CACNA1H: variants seen among roughly 807,000 people sequenced by gnomAD.
CACNA1H encodes the protein calcium voltage-gated channel subunit alpha1 H.
In CACNA1H, 149 loss-of-function variants were observed where a neutral mutation model predicts 192.5. That is an observed-to-expected ratio of 0.77 (90% confidence interval 0.68 to 0.89). CACNA1H has a LOEUF of 0.89. Ranked by LOEUF, CACNA1H falls within the 40% of genes least tolerant of loss-of-function variation. The probability of loss-of-function intolerance (pLI) is 0.00; values close to 1 mark genes in which losing one functional copy is unlikely to be tolerated. For missense variants in CACNA1H, 4,257 were observed against 3,423.5 expected (o/e 1.24, Z -6.08); for synonymous variants, 2,202 against 1,475.2 (o/e 1.49, Z -11.29).
Position 1,221,630 on chromosome 16 carries a change from C to G in CACNA1H, c.*636C>G. On this transcript the variant is annotated 3_prime_UTR_variant, in exon 35 of 35. Transcript: ENST00000348261. Reference sequence around the variant, plus strand: ...CTCCCCTACATCTGGGGGCGTTGGCCGCGAGATTCCCATTGACACCTTTGT... The same window carrying G: ...CTCCCCTACATCTGGGGGCGTTGGCGGCGAGATTCCCATTGACACCTTTGT... 1 of 826,160 alleles carries G rather than the reference C, an allele frequency of 1.2e-6. No homozygotes were observed. Among genetic ancestry groups the G allele is most frequent in the East Asian group, 2.8e-5 (1 of 35,928 alleles). 51.2% of individuals were successfully genotyped at this position (826,160 alleles called of 1,614,324 possible). A position where few individuals can be genotyped will look rare whatever the true frequency, so the allele number is the denominator to read the frequency against.
In CACNA1H at chr16:1,201,814, G is replaced by A. The variant is rs1041969243; in HGVS notation, c.1364G>A (p.Ser455Asn). 2.1e-5 allele frequency: 34 copies of A among 1,585,794 alleles called. No homozygotes were observed. In the East Asian group the frequency reaches 7.8e-4, roughly 36 times the overall value. Residue 455 changes from serine (S) to asparagine (N), a missense_variant, in exon 9 of 35, where the codon AGC becomes AAC. Physicochemically the swap from Ser to Asn is conservative, Grantham distance 46 (BLOSUM62 1). Transcript: ENST00000348261. ...STLASFSEPGSCYEELLKYVG... is the reference protein window; with the variant it reads ...STLASFSEPGNCYEELLKYVG... ...CTGGCCAGCTTCTCCGAGCCTGGCA[G>A]CTGCTACGAAGAGCTGCTGAAGTAC...
Position 1,211,287 on chromosome 16 carries a change from G to T in CACNA1H, c.4343G>T (p.Gly1448Val). 1 of 1,612,920 alleles carries T rather than the reference G, an allele frequency of 6.2e-7. No individual in the cohort carries two copies. Among genetic ancestry groups the T allele is most frequent in the Non-Finnish European group, 8.5e-7 (1 of 1,179,698 alleles). ...CAFFIIFGIL[G>V]VQLFKGKFYY... The stretch of plus-strand genomic sequence containing the variant: ...TTCTTCATCATTTTTGGCATTTTGG[G>T]TGTGCAGGTGTGTGGCCCCCACGTG... Residue 1448 changes from glycine (G) to valine (V), a missense_variant, in exon 22 of 35, where the codon GGT becomes GTT. Transcript: ENST00000348261.
In CACNA1H at chr16:1,210,669, G is replaced by A; in HGVS notation, c.4038+18G>A. 6.3e-7 allele frequency: 1 copy of A among 1,598,690 alleles called. No individual in the cohort carries two copies. The highest frequency in any genetic ancestry group is 8.5e-7 in the Non-Finnish European group (1 of 1,178,646). ...TGGTGAAGGTACCGCGGGGCCCGGG[G>A]ACTGCCCTTGTTCCCAGGTCCCCGT... On this transcript the variant is annotated intron_variant, in intron 20 of 34. Transcript: ENST00000348261.
chr16:1,194,868 C>A, intron 2 of CACNA1H, 104 bp from the exon 3 acceptor site: 2 of 823,098 alleles, frequency 2.4e-6, no homozygotes, highest in Non-Finnish European at 4.2e-6. Context: ...CCCCCACGCG[C>A]GCACACCCGT....
At chr16:1,195,697 T>A in intron 4 of CACNA1H, 132 bp downstream of exon 4, 1 of 1,146,232 alleles carries the variant, frequency 8.7e-7, no homozygotes, top group Non-Finnish European at 1.2e-6. Context: ...CCAGGGACCC[T>A]GTCTGGGACT....
At chr16:1,159,523 C>G (rs566808590) in intron 2 of CACNA1H, 1 of 152,246 alleles carries the variant, frequency 6.6e-6, no homozygotes, top group Admixed American at 6.5e-5. Context: ...AGCCTGCCCT[C>G]GGGAGCTTGA....
rs1483955081 is a variant in CACNA1H, at chr16:1,215,507, C to T, written c.5174-16C>T. ...GGGTCCGCCCAGCCCTGCTGACGCT[C>T]AGCTCCCGGCCCTAGTGCTGAAGCT... On this transcript the variant is annotated splice_polypyrimidine_tract_variant and intron_variant, in intron 29 of 34. Transcript: ENST00000348261. The T allele has an allele frequency of 1.9e-6, 3 of 1,609,714 alleles. No homozygotes were observed. Among genetic ancestry groups the T allele is most frequent in the Middle Eastern group, 1.7e-4 (1 of 5,996 alleles).
Position 1,212,497 on chromosome 16 carries a change from C to T in CACNA1H, c.4760-14C>T, listed in dbSNP as rs370900845. 3.7e-6 allele frequency: 6 copies of T among 1,610,594 alleles called. No homozygotes were observed. The highest frequency in any genetic ancestry group is 1.7e-5 in the Admixed American group (1 of 59,834). On this transcript the variant is annotated splice_polypyrimidine_tract_variant and intron_variant, in intron 25 of 34. Coordinates refer to ENST00000348261, the MANE Select transcript of CACNA1H (RefSeq NM_021098.3). ...CACGCCCTCGGCCCTCAGACCATCT[C>T]CTTGTCTTTCCAGGCACTTTCCCCA... is the stretch of plus-strand genomic sequence containing the variant.
intron 10 of CACNA1H, among the ~76,000 whole-genome samples, 184 bp downstream of exon 10, chr16:1,204,642 C>T (rs1411497390): frequency 2.0e-5 from 3 of 152,206 alleles, no homozygotes; most frequent in Admixed American, 6.5e-5. Flanking sequence ...GAGGGGATCT[C>T]CTTGGATTCC....
intron 2 of CACNA1H, among the ~76,000 whole-genome samples, chr16:1,162,986 C>G (rs1596300740): frequency 6.6e-6 from 1 of 152,366 alleles, no homozygotes; most frequent in East Asian, 1.9e-4. Context: ...GCTCCAGCCT[C>G]AAAGGCTGTG....
Position 1,153,830 on chromosome 16 carries a change from G to C in CACNA1H, c.93G>C (p.Glu31Asp). ...GPAALVGASPESPGAPGREAE... is the reference protein window; with the variant it reads ...GPAALVGASPDSPGAPGREAE... ...CGGCGTTGGTGGGGGCGTCCCCGGA[G>C]AGCCCCGGGGCGCCGGGACGCGAGG... The change falls in exon 2 of 35, where the codon GAG (glutamate) becomes GAC (aspartate). Residue 31 changes from glutamate to aspartate, a missense_variant. By Grantham distance (45) the Glu-to-Asp change is conservative (BLOSUM62 2). Coordinates refer to ENST00000348261, the MANE Select transcript of CACNA1H (RefSeq NM_021098.3). The C allele has an allele frequency of 7.7e-7, 1 of 1,290,588 alleles. No homozygotes were observed. Among genetic ancestry groups the C allele is most frequent in the Non-Finnish European group, 9.8e-7 (1 of 1,020,698 alleles). The allele number at this position is 1,290,588 out of a possible 1,614,324, so 79.9% of individuals were successfully genotyped here.
In CACNA1H at chr16:1,174,197, A is replaced by G. The variant is rs936216330; in HGVS notation, c.299+20161A>G. Among the ~76,000 whole-genome samples the G allele has an allele frequency of 2.6e-5, 4 of 152,148 alleles. No individual in the cohort carries two copies. The South Asian group carries it at 8.3e-4, about 32-fold the overall frequency. On this transcript the variant is annotated intron_variant, in intron 2 of 34. Transcript: ENST00000348261. ...GAAGGGCAGAGGTCCTGGCGGCCTC[A>G]GTTTGCTCCTCCCTCTCATGGCACC...
rs906357912 is a variant in CACNA1H, at chr16:1,180,761, T to C, written c.300-14211T>C. On this transcript the variant is annotated intron_variant, in intron 2 of 34. Transcript: ENST00000348261. This position sits in a 1 kb window ranked among gnomAD's most constrained non-coding sequence, Gnocchi z 4.4. ...TGGGATGCCGCCGAATAGGGGCCTG[T>C]GGCTCCCACAGGGAGGCCCCTTAGG... 3.9e-5 allele frequency among the ~76,000 whole-genome samples: 6 copies of C among 152,066 alleles called. No homozygotes were observed. The highest frequency in any genetic ancestry group is 1.4e-4 in the African/African-American group (6 of 41,418).
intron 31 of CACNA1H, among the ~76,000 whole-genome samples, chr16:1,217,346 C>T (rs1010702398): frequency 3.2e-4 from 48 of 152,352 alleles, no homozygotes; most frequent in African/African-American, 1.1e-3. Flanking sequence ...CCATGCCCAA[C>T]GTCACATGGT....
In CACNA1H at chr16:1,220,712, C is replaced by G. The variant is rs769221289; in HGVS notation, c.6780C>G (p.His2260Gln). 1 of 1,611,868 alleles carries G rather than the reference C, an allele frequency of 6.2e-7. No individual in the cohort carries two copies. Among genetic ancestry groups the G allele is most frequent in the African/African-American group, 1.3e-5 (1 of 74,832 alleles). ...GCCAGGCCTCCTGCCGGGCTGAGCA[C>G]CTGACCGTCCCCAGCTTTGCCTTTG... ...RWGQASCRAE[H>Q]LTVPSFAFEP... Residue 2260 changes from histidine (H) to glutamine (Q), a missense_variant, in exon 35 of 35, where the codon CAC becomes CAG. Physicochemically the swap from His to Gln is conservative, Grantham distance 24. Transcript: ENST00000348261.
chr16:1,196,939 G>A (rs565552778), intron 5 of CACNA1H, among the ~76,000 whole-genome samples: 3 of 151,960 alleles, frequency 2.0e-5, no homozygotes, highest in South Asian at 2.1e-4. Flanking sequence ...ATGTGGCCCC[G>A]TGTGTGCACG....
rs368835582 is a variant in CACNA1H, at chr16:1,220,183, C to T, written c.6251C>T (p.Ala2084Val). Residue 2084 changes from alanine (A) to valine (V), a missense_variant, in exon 35 of 35, where the codon GCG (alanine) becomes GTG (valine). By Grantham distance (64) the Ala-to-Val change is moderately conservative. Transcript: ENST00000348261. ...CAGCGCTGCGTCTCCAGCCGGCCGG[C>T]GGCCCCAGGCGGAGAGGAGGCCGAG... ...FGQRCVSSRP[A>V]APGGEEAEAS... is the part of the protein sequence containing the mutation. 96 of 1,521,656 alleles carry T rather than the reference C, an allele frequency of 6.3e-5. No individual in the cohort carries two copies. In the African/African-American group the frequency reaches 1.0e-3, roughly 16 times the overall value. 94.3% of individuals were successfully genotyped at this position (1,521,656 alleles called of 1,614,324 possible). A position where few individuals can be genotyped will look rare whatever the true frequency, so the allele number is the denominator to read the frequency against.
Position 1,195,426 on chromosome 16 carries a change from C to A in CACNA1H, c.412-6C>A. ...CCACGGGCCCTCCTGATGCCTCCTC[C>A]CGCAGGCCTTTGACGCCTTCATTTT... On this transcript the variant is annotated splice_region_variant and splice_polypyrimidine_tract_variant and intron_variant, in intron 3 of 34. Coordinates refer to ENST00000348261, the MANE Select transcript of CACNA1H (RefSeq NM_021098.3). 6.4e-7 allele frequency: 1 copy of A among 1,551,600 alleles called. No homozygotes were observed. Among genetic ancestry groups the A allele is most frequent in the Non-Finnish European group, 8.7e-7 (1 of 1,147,124 alleles).
chr16:1,211,891 G>T, intron 24 of CACNA1H, 55 bp from the exon 25 acceptor site: 3 of 1,610,258 alleles, frequency 1.9e-6, no homozygotes, highest in South Asian at 2.2e-5. Flanking sequence ...GGGCCATCCT[G>T]GGTAGGGCCC....
Sources: allele counts gnomAD v4.1 joint callset (sites outside exome capture counted in the v4.1 genomes callset), GRCh38; gene constraint gnomAD v4.1.1; non-coding constraint Gnocchi (gnomAD v3.1); transcripts MANE v1.5; gene names NCBI Gene and HGNC (gene_info 2026-07-23, HGNC 2026-07-21).